GPC5: variants seen among roughly 807,000 people sequenced by gnomAD.
GPC5 encodes glypican 5, also known as glypican-5.
GPC5 carries 47 observed loss-of-function variants against 53.9 expected under a neutral mutation model. The ratio of observed to expected loss-of-function variants is 0.87; its 90% CI spans 0.69 to 1.11. The LOEUF (loss-of-function observed/expected upper bound fraction) is 1.11. Among genes scored for constraint, GPC5 ranks in the 50% most tolerant of loss-of-function variants. GPC5 has a pLI of 0.00. For synonymous variants in GPC5, 286 were observed against 263.3 expected (o/e 1.09, Z -0.84); for missense variants, 748 against 713.1 (o/e 1.05, Z -0.56).
chr13:92,171,411 A>G (rs1396507924), intron 7 of GPC5, among the ~76,000 whole-genome samples: 2 of 152,128 alleles, frequency 1.3e-5, no homozygotes, highest in Non-Finnish European at 2.9e-5. Flanking sequence ...CTAAATGTAT[A>G]ATCTCCTCCA....
intron 1 of GPC5, among the ~76,000 whole-genome samples, chr13:91,431,768 T>G (rs1174000056): frequency 6.6e-6 from 1 of 151,984 alleles, no homozygotes; most frequent in East Asian, 1.9e-4. Context: ...TCAGAGAAAA[T>G]GGGGTTATTA....
At chr13:92,684,126 GCA>G (rs1463986790) in intron 7 of GPC5, among the ~76,000 whole-genome samples, 1 of 151,956 alleles carries the variant, frequency 6.6e-6, no homozygotes, top group Non-Finnish European at 1.5e-5. Context: ...CTTACTGTCT[GCA>G]CAGTTTTGCC....
At chr13:91,773,197 C>T (rs1171877287) in intron 5 of GPC5, among the ~76,000 whole-genome samples, 2 of 152,154 alleles carry the variant, frequency 1.3e-5, no homozygotes, top group Non-Finnish European at 2.9e-5. Context: ...GCATTGATCA[C>T]ATCCTCCTTA....
At chr13:91,513,354 TTG>T (rs139449591) in intron 2 of GPC5, among the ~76,000 whole-genome samples, 16,480 of 149,274 alleles carry the variant, frequency 0.11, 1,157 homozygotes, top group South Asian at 0.26. Context: ...TTGTTTTCAT[TTG>T]TGTGTGTGTG....
chr13:91,693,364 A>G lies in GPC5; in HGVS notation c.503A>G (p.Asp168Gly), dbSNP rs772637732. The change falls in exon 3 of 8, where the codon GAC becomes GGC. Residue 168 changes from aspartate to glycine, a missense_variant. Physicochemically the swap from Asp to Gly is moderately conservative, Grantham distance 94. Transcript: ENST00000377067. ...NPEEFVNRFF[D>G]SLFPLVYNHL... ...GAAGAATTTGTAAACAGATTTTTTG[A>G]CAGTCTTTTTCCTCTGGTCTACAAC... The G allele has an allele frequency of 3.1e-6, 5 of 1,614,060 alleles. No individual in the cohort carries two copies. In the South Asian group the frequency reaches 4.4e-5, roughly 14 times the overall value.
At chr13:92,199,706 G>T (rs1321096887) in intron 7 of GPC5, among the ~76,000 whole-genome samples, 2 of 152,136 alleles carry the variant, frequency 1.3e-5, no homozygotes, top group Non-Finnish European at 2.9e-5. Context: ...TCCTGGGACT[G>T]TCTTCTGTCC....
At chr13:92,626,841 G>A (rs908723272) in intron 7 of GPC5, among the ~76,000 whole-genome samples, 9 of 151,998 alleles carry the variant, frequency 5.9e-5, no homozygotes, top group Admixed American at 1.3e-4. Flanking sequence ...AGACTTACTG[G>A]TAGCTTTATA....
At chr13:92,714,741 C>T (rs922721823) in intron 7 of GPC5, among the ~76,000 whole-genome samples, 1 of 152,076 alleles carries the variant, frequency 6.6e-6, no homozygotes, top group African/African-American at 2.4e-5. Context: ...CAACTGTTTT[C>T]CTAAAAAGCA....
chr13:92,352,380 A>T (rs965497962), intron 7 of GPC5, among the ~76,000 whole-genome samples: 9 of 152,336 alleles, frequency 5.9e-5, no homozygotes, highest in Admixed American at 5.9e-4. Flanking sequence ...GTGTTTAATT[A>T]TATTAAGAGA....
intron 7 of GPC5, among the ~76,000 whole-genome samples, chr13:92,635,653 A>G (rs1164036173): frequency 6.6e-6 from 1 of 152,212 alleles, no homozygotes; most frequent in Non-Finnish European, 1.5e-5. Flanking sequence ...GAACTTTGGG[A>G]GAAAAATTCA....
At chr13:92,601,062 GA>G (rs1462906581) in intron 7 of GPC5, among the ~76,000 whole-genome samples, 25 of 152,130 alleles carry the variant, frequency 1.6e-4, no homozygotes, top group African/African-American at 5.8e-4. Flanking sequence ...ACCTGGCTGA[GA>G]AATCAGTAAT....
chr13:91,829,257 C>T (rs1457656367), intron 5 of GPC5, among the ~76,000 whole-genome samples: 1 of 151,940 alleles, frequency 6.6e-6, no homozygotes, highest in Non-Finnish European at 1.5e-5. Flanking sequence ...AATGGCCTTT[C>T]CTCTTTGAAA....
intron 2 of GPC5, among the ~76,000 whole-genome samples, chr13:91,615,566 T>G (rs1193040628): frequency 6.6e-6 from 1 of 152,162 alleles, no homozygotes; most frequent in African/African-American, 2.4e-5. Flanking sequence ...GCCTATGTTT[T>G]TCTTGTAGTT....
Position 92,820,134 on chromosome 13 carries a change from T to C in GPC5, c.1562-46148T>C, listed in dbSNP as rs74481761. On this transcript the variant is annotated intron_variant, in intron 7 of 7. Transcript: ENST00000377067. ...TGAGAGACAAACCAGCGTATCCAAC[T>C]GCCTAGTGCCTATCTCTTTTGGTCT... 2.9e-3 allele frequency among the ~76,000 whole-genome samples: 444 copies of C among 152,256 alleles called. 1 individual carries two copies. The highest frequency in any genetic ancestry group is 9.8e-3 in the African/African-American group (409 of 41,554).
chr13:92,380,989 A>G lies in GPC5; in HGVS notation c.1561+236000A>G, dbSNP rs561048563. Among the ~76,000 whole-genome samples, 9 of 152,300 alleles carry G rather than the reference A, an allele frequency of 5.9e-5. No homozygotes were observed. The East Asian group carries it at 1.2e-3, about 20-fold the overall frequency. On this transcript the variant is annotated intron_variant, in intron 7 of 7. Transcript: ENST00000377067. ...TTTGAGACTTTATCCCCTTTCCATGACCACATGAAAACCTCCTTTTGACAT... is the reference window on the plus strand; with the variant it reads ...TTTGAGACTTTATCCCCTTTCCATGGCCACATGAAAACCTCCTTTTGACAT...
intron 7 of GPC5, among the ~76,000 whole-genome samples, chr13:92,805,113 A>G (rs1347789151): frequency 6.6e-6 from 1 of 152,078 alleles, no homozygotes. Flanking sequence ...AACTTCTTCC[A>G]AATTCCTGTC....
At position 92,602,243 on chromosome 13, in the gene GPC5, TA is replaced by T. The variant is rs1884097718; in HGVS notation, c.1562-264038del. On this transcript the variant is annotated intron_variant, in intron 7 of 7. Transcript: ENST00000377067. ...TAAATATATATATAACATATATATA[TA>T]TATATATATATATATATATGCACAC... Among the ~76,000 whole-genome samples the T allele has an allele frequency of 2.2e-5, 3 of 137,390 alleles. No individual in the cohort carries two copies. The Admixed American group carries it at 2.2e-4, about 10-fold the overall frequency. The allele number at this position is 137,390 out of a possible 152,430, so 90.1% of individuals were successfully genotyped here.
At chr13:91,555,654 A>T (rs962867373) in intron 2 of GPC5, among the ~76,000 whole-genome samples, 1 of 152,042 alleles carries the variant, frequency 6.6e-6, no homozygotes, top group South Asian at 2.1e-4. Flanking sequence ...TGCTAAAGAT[A>T]TACCCAAGAC....
intron 7 of GPC5, among the ~76,000 whole-genome samples, chr13:92,371,032 A>C (rs1037843430): frequency 2.6e-5 from 4 of 151,916 alleles, no homozygotes; most frequent in Non-Finnish European, 5.9e-5. Flanking sequence ...GCCTGCAGTC[A>C]CAGCTACTTG....
Sources: allele counts gnomAD v4.1 joint callset (sites outside exome capture counted in the v4.1 genomes callset), GRCh38; gene constraint gnomAD v4.1.1; transcripts MANE v1.5; gene names NCBI Gene and HGNC (gene_info 2026-07-23, HGNC 2026-07-21).